Variants in EHD2 observed in about 807,000 individuals in gnomAD.
EHD2 encodes the protein EH domain containing 2, also known as EH domain-containing protein 2.
EHD2 carries 27 observed loss-of-function variants against 41.0 expected under a neutral mutation model. That is an observed-to-expected ratio of 0.66 (90% CI 0.49 to 0.91). The LOEUF is 0.91. Ranked by LOEUF, EHD2 falls within the 40% of genes least tolerant of loss-of-function variation. EHD2 has a pLI of 0.00. For synonymous variants in EHD2, 342 were observed against 341.0 expected, an observed-to-expected ratio of 1.00 and a Z score of -0.03; for missense variants, 673 against 773.9, an observed-to-expected ratio of 0.87 and a Z score of 1.55.
At position 47,716,575 on chromosome 19, in the gene EHD2, C is replaced by G; in HGVS notation, c.-38C>G. 6.8e-7 allele frequency: 1 copy of G among 1,461,320 alleles called. No individual in the cohort carries two copies. Among genetic ancestry groups the G allele is most frequent in the Non-Finnish European group, 9.0e-7 (1 of 1,109,288 alleles). The allele number at this position is 1,461,320 out of a possible 1,614,324, so 90.5% of individuals were successfully genotyped here. ...TCCCACAGGCAGCTCTCCATCTGCA[C>G]GTCTCTCCGTGAACCCCGTGAGCGG... On this transcript the variant is annotated 5_prime_UTR_variant, in exon 2 of 6. Coordinates refer to ENST00000263277, the MANE Select transcript of EHD2 (RefSeq NM_014601.4).
chr19:47,738,086 TG>T (rs1230545651), intron 5 of EHD2, among the ~76,000 whole-genome samples: 9 of 151,822 alleles, frequency 5.9e-5, no homozygotes, highest in Non-Finnish European at 1.0e-4. Flanking sequence ...TTTGTCATGT[TG>T]GCCAGGCTGG....
intron 3 of EHD2, among the ~76,000 whole-genome samples, chr19:47,722,987 T>A (rs1479421458): frequency 6.6e-6 from 1 of 152,164 alleles, no homozygotes; most frequent in African/African-American, 2.4e-5. Flanking sequence ...GGGCATGAAG[T>A]CAGTAAATCA....
chr19:47,717,132 C>A, intron 2 of EHD2, 116 bp downstream of exon 2: 6 of 1,346,554 alleles, frequency 4.5e-6, no homozygotes, highest in East Asian at 2.5e-5. Context: ...ATGGCAACCT[C>A]CACCTCCTGG....
Position 47,716,921 on chromosome 19 carries a change from G to C in EHD2, c.309G>C (p.Gly103=). Residue 103 remains glycine (G), a synonymous_variant, in exon 2 of 6, where the codon GGG becomes GGC. Transcript: ENST00000263277. Reference sequence around the variant, plus strand: ...ACTGCTTTGTGGCCGTCATGCACGGGGACACTGAGGGCACCGTGCCCGGCA... The same window carrying C: ...ACTGCTTTGTGGCCGTCATGCACGGCGACACTGAGGGCACCGTGCCCGGCA... ...TTDCFVAVMH[G]DTEGTVPGNA... The C allele has an allele frequency of 6.2e-7, 1 of 1,611,056 alleles. No individual in the cohort carries two copies. Among genetic ancestry groups the C allele is most frequent in the Non-Finnish European group, 8.5e-7 (1 of 1,179,938 alleles).
chr19:47,726,401 C>T, intron 4 of EHD2, 177 bp downstream of exon 4: 4 of 635,774 alleles, frequency 6.3e-6, no homozygotes, highest in Non-Finnish European at 9.4e-6. Context: ...ACTCATTCCT[C>T]TGCCTTTGGA....
rs1183209666 is a variant in EHD2 at position 47,719,565 on chromosome 19, A to C, written c.502+959A>C. ...CCCCCCATGGCCTTGGAGGCCCAGA[A>C]CTGGGGCAAAGGAGGCTGCTATGTG... On this transcript the variant is annotated intron_variant, in intron 3 of 5. Coordinates refer to ENST00000263277, the MANE Select transcript of EHD2 (RefSeq NM_014601.4). The surrounding 1 kb of genome is among the most constrained non-coding windows in gnomAD (Gnocchi z 4.1). Among the ~76,000 whole-genome samples, 1 of 151,924 alleles carries C rather than the reference A, an allele frequency of 6.6e-6. No homozygotes were observed. The highest frequency in any genetic ancestry group is 1.5e-5 in the Non-Finnish European group (1 of 67,924).
intron 5 of EHD2, among the ~76,000 whole-genome samples, chr19:47,739,536 G>GT (rs1966962563): frequency 6.7e-6 from 1 of 148,570 alleles, no homozygotes; most frequent in Non-Finnish European, 1.5e-5. Flanking sequence ...ATGAGACGGA[G>GT]GTTGCGGTGA....
chr19:47,733,297 A>G (rs1414725516), intron 4 of EHD2, among the ~76,000 whole-genome samples: 2 of 149,356 alleles, frequency 1.3e-5, no homozygotes, highest in Non-Finnish European at 3.0e-5. Flanking sequence ...GTGCAGTGGT[A>G]TGATCATGGC....
intron 3 of EHD2, among the ~76,000 whole-genome samples, chr19:47,720,677 G>T (rs1205196826): frequency 6.6e-6 from 1 of 152,132 alleles, no homozygotes; most frequent in African/African-American, 2.4e-5. Context: ...TTGTGTGCCT[G>T]TGTGTGAGAT....
chr19:47,715,652 C>T (rs563034443), intron 1 of EHD2, among the ~76,000 whole-genome samples: 14 of 152,192 alleles, frequency 9.2e-5, no homozygotes, highest in Admixed American at 2.0e-4. Flanking sequence ...TTAAGGAATC[C>T]GTTTCTTCCA....
intron 4 of EHD2, among the ~76,000 whole-genome samples, chr19:47,727,702 T>TA (rs779838632): frequency 2.9e-3 from 360 of 126,118 alleles, no homozygotes; most frequent in African/African-American, 7.3e-3. Flanking sequence ...CCATTTCTAT[T>TA]AAAAAAAAAA....
chr19:47,734,576 A>T (rs899554509), intron 4 of EHD2, among the ~76,000 whole-genome samples: 2 of 151,214 alleles, frequency 1.3e-5, no homozygotes, highest in African/African-American at 4.9e-5. Context: ...ACATGGTGAA[A>T]ACCCCTCTCT....
At chr19:47,728,559 TTTTC>T (rs1352542809) in intron 4 of EHD2, among the ~76,000 whole-genome samples, 38 of 149,252 alleles carry the variant, frequency 2.5e-4, no homozygotes, top group African/African-American at 8.7e-4. Flanking sequence ...TTCTCTTTCT[TTTTC>T]TTTCTTTCTT....
intron 5 of EHD2, 101 bp from the exon 6 acceptor site, chr19:47,740,780 G>A: frequency 8.0e-7 from 1 of 1,245,174 alleles, no homozygotes; most frequent in Non-Finnish European, 1.1e-6. Context: ...CCCCACAACA[G>A]CTACCCCCGA....
chr19:47,718,361 G>A (rs1210273564), intron 2 of EHD2, 148 bp from the exon 3 acceptor site: 3 of 600,440 alleles, frequency 5.0e-6, no homozygotes, highest in African/African-American at 3.7e-5. Context: ...CTCTGAGATG[G>A]TCCTGGTTGC....
chr19:47,738,952 A>G lies in EHD2; in HGVS notation c.1081-1929A>G, dbSNP rs182024542. ...CCCCAAAGTGACTTCTTCGGTGGGG[A>G]GGGGGTGGTCCCAGGAACCCCTGAT... On this transcript the variant is annotated intron_variant, in intron 5 of 5. Transcript: ENST00000263277. Among the ~76,000 whole-genome samples, 780 of 152,238 alleles carry G rather than the reference A, an allele frequency of 5.1e-3. 8 individuals are homozygous for G. The highest frequency in any genetic ancestry group is 0.018 in the African/African-American group (738 of 41,556).
chr19:47,721,686 G>A (rs1973698601), intron 3 of EHD2, among the ~76,000 whole-genome samples: 1 of 151,846 alleles, frequency 6.6e-6, no homozygotes, highest in Non-Finnish European at 1.5e-5. Flanking sequence ...TTTCTTACCT[G>A]CAAAATGGGA....
intron 3 of EHD2, among the ~76,000 whole-genome samples, chr19:47,722,009 AACACACACACACACACACACACACAC>A: frequency 7.6e-6 from 1 of 130,734 alleles, no homozygotes; most frequent in Middle Eastern, 3.8e-3. Context: ...AGAAAAACAA[AACACACACACACACACACACACACAC>A]ACACACACAC....
intron 4 of EHD2, among the ~76,000 whole-genome samples, chr19:47,730,093 T>C (rs1293381203): frequency 6.6e-6 from 1 of 151,960 alleles, no homozygotes; most frequent in Non-Finnish European, 1.5e-5. Flanking sequence ...GCCAGACACC[T>C]GGTGCCCCCG....
Sources: allele counts gnomAD v4.1 joint callset (sites outside exome capture counted in the v4.1 genomes callset), GRCh38; gene constraint gnomAD v4.1.1; non-coding constraint Gnocchi (gnomAD v3.1); transcripts MANE v1.5; gene names NCBI Gene and HGNC (gene_info 2026-07-23, HGNC 2026-07-21).